The following IQGAP2 variants were observed in gnomAD, a reference collection of about 807,000 sequenced individuals.
IQGAP2 encodes IQ motif containing GTPase activating protein 2.
Under a neutral mutation model 201.3 loss-of-function variants are expected in IQGAP2, and 173 were observed. The observed-to-expected ratio is 0.86, with a 90% confidence interval of 0.76 to 0.98. IQGAP2 has a LOEUF of 0.98. Among genes scored for constraint, IQGAP2 ranks in the 50% least tolerant of loss-of-function variants. IQGAP2 has a pLI of 0.00. For synonymous variants in IQGAP2, 675 were observed against 673.9 expected (o/e 1.00, Z -0.03); for missense variants, 1,687 against 1,864.8 (o/e 0.90, Z 1.76).
At chr5:76,498,148 A>G (rs1426295489) in intron 2 of IQGAP2, among the ~76,000 whole-genome samples, 1 of 152,208 alleles carries the variant, frequency 6.6e-6, no homozygotes, top group Non-Finnish European at 1.5e-5. Flanking sequence ...GGACATTGTG[A>G]TTGTGCATGA....
At chr5:76,491,530 T>C (rs182452368) in intron 2 of IQGAP2, among the ~76,000 whole-genome samples, 2 of 152,208 alleles carry the variant, frequency 1.3e-5, no homozygotes, top group East Asian at 3.9e-4. Flanking sequence ...TCTCAAACTC[T>C]TGGGCTCAAG....
chr5:76,560,608 A>G (rs1169092509), intron 2 of IQGAP2, among the ~76,000 whole-genome samples: 1 of 152,148 alleles, frequency 6.6e-6, no homozygotes, highest in Admixed American at 6.5e-5. Context: ...GTTTTCCTTG[A>G]TTGCTGCAGT....
At chr5:76,451,199 C>T (rs1753720589) in intron 1 of IQGAP2, among the ~76,000 whole-genome samples, 1 of 152,284 alleles carries the variant, frequency 6.6e-6, no homozygotes, top group East Asian at 1.9e-4. Context: ...TTTCCACCTC[C>T]ACCATCTGAA....
intron 2 of IQGAP2, among the ~76,000 whole-genome samples, chr5:76,553,670 T>G (rs572482036): frequency 1.5e-4 from 23 of 152,294 alleles, no homozygotes; most frequent in Non-Finnish European, 3.4e-4. Context: ...ATTTGAAAGA[T>G]TTCTCCTTTC....
intron 2 of IQGAP2, among the ~76,000 whole-genome samples, chr5:76,537,060 C>G (rs1759668816): frequency 6.6e-6 from 1 of 152,178 alleles, no homozygotes; most frequent in Non-Finnish European, 1.5e-5. Flanking sequence ...CCAAAGCTAT[C>G]TTGAGGGCAA....
chr5:76,432,831 C>A (rs1223077568), intron 1 of IQGAP2, among the ~76,000 whole-genome samples: 1 of 152,162 alleles, frequency 6.6e-6, no homozygotes, highest in Admixed American at 6.5e-5. Context: ...TCTGTTTGCC[C>A]TTTCTGATCC....
chr5:76,512,186 A>T (rs1758010523), intron 2 of IQGAP2, among the ~76,000 whole-genome samples: 1 of 152,164 alleles, frequency 6.6e-6, no homozygotes, highest in Non-Finnish European at 1.5e-5. Context: ...ACTCTAGTGG[A>T]GCTTGATTAT....
chr5:76,699,663 C>G (rs1394629285), intron 33 of IQGAP2, among the ~76,000 whole-genome samples: 1 of 48,884 alleles, frequency 2.0e-5, no homozygotes, highest in South Asian at 5.4e-4. Context: ...CTCTCTCTCA[C>G]TCTCGTGCTC....
At chr5:76,660,898 A>G (rs1010563398) in intron 21 of IQGAP2, among the ~76,000 whole-genome samples, 1 of 152,208 alleles carries the variant, frequency 6.6e-6, no homozygotes, top group Non-Finnish European at 1.5e-5. Flanking sequence ...AATTAGTTTA[A>G]TATGGATGTT....
chr5:76,652,804 T>C lies in IQGAP2; in HGVS notation c.2149T>C (p.Phe717Leu). ...GGAGTATATGCACAGGCGGCAAACG[T>C]TCATTGATAATACTGATTCTATTGT... ...RKEYMHRRQTFIDNTDSIVKI... is the reference protein window; with the variant it reads ...RKEYMHRRQTLIDNTDSIVKI... The change falls in exon 18 of 36, where the codon TTC (phenylalanine) becomes CTC (leucine). Residue 717 changes from phenylalanine (F) to leucine (L), a missense_variant. Phe to Leu is a conservative substitution (Grantham distance 22). Coordinates refer to ENST00000274364, the MANE Select transcript of IQGAP2 (RefSeq NM_006633.5). 1 of 1,609,736 alleles carries C rather than the reference T, an allele frequency of 6.2e-7. No homozygotes were observed. Among genetic ancestry groups the C allele is most frequent in the African/African-American group, 1.3e-5 (1 of 74,956 alleles).
intron 5 of IQGAP2, among the ~76,000 whole-genome samples, chr5:76,577,632 T>A (rs930786676): frequency 3.3e-5 from 5 of 152,256 alleles, no homozygotes; most frequent in African/African-American, 7.2e-5. Context: ...TTGCAGCTTT[T>A]TCCACCAAAA....
chr5:76,554,257 A>C (rs1418361296), intron 2 of IQGAP2, among the ~76,000 whole-genome samples: 1 of 152,220 alleles, frequency 6.6e-6, no homozygotes, highest in Admixed American at 6.5e-5. Flanking sequence ...AAACATAGGT[A>C]TAAATATATA....
chr5:76,521,237 G>A (rs1443037581), intron 2 of IQGAP2, among the ~76,000 whole-genome samples: 1 of 152,058 alleles, frequency 6.6e-6, no homozygotes, highest in Non-Finnish European at 1.5e-5. Flanking sequence ...ATCTTATTTA[G>A]TGTTGGACCC....
At chr5:76,472,383 G>C (rs962242854) in intron 2 of IQGAP2, among the ~76,000 whole-genome samples, 1 of 152,206 alleles carries the variant, frequency 6.6e-6, no homozygotes, top group Non-Finnish European at 1.5e-5. Context: ...GAGAGGTGTT[G>C]GTGCTGAGGG....
At chr5:76,649,234 G>A (rs375378272) in intron 17 of IQGAP2, among the ~76,000 whole-genome samples, 4 of 152,116 alleles carry the variant, frequency 2.6e-5, no homozygotes, top group East Asian at 1.9e-4. Flanking sequence ...AACATTTTTC[G>A]GGGGAATCAA....
intron 2 of IQGAP2, among the ~76,000 whole-genome samples, chr5:76,507,787 G>A (rs545706581): frequency 4.6e-5 from 7 of 152,250 alleles, no homozygotes; most frequent in Non-Finnish European, 7.4e-5. Flanking sequence ...TGAGGCAGGC[G>A]GATCATAAGG....
chr5:76,704,320 T>A (rs1166087122), intron 35 of IQGAP2, among the ~76,000 whole-genome samples: 1 of 152,226 alleles, frequency 6.6e-6, no homozygotes, highest in Non-Finnish European at 1.5e-5. Flanking sequence ...CCAGTCAATA[T>A]CAACTGGACC....
intron 1 of IQGAP2, among the ~76,000 whole-genome samples, chr5:76,455,897 C>T (rs144285139): frequency 5.7e-4 from 87 of 152,274 alleles, no homozygotes; most frequent in African/African-American, 1.9e-3. Context: ...TTGTCTAACC[C>T]GAATATCCTC....
intron 29 of IQGAP2, 143 bp downstream of exon 29, chr5:76,683,360 A>G (rs1745471950): frequency 5.2e-6 from 3 of 573,118 alleles, no homozygotes; most frequent in Non-Finnish European, 9.4e-6. Flanking sequence ...TAACAACTAC[A>G]CTTGCCCCTT....
Sources: allele counts gnomAD v4.1 joint callset (sites outside exome capture counted in the v4.1 genomes callset), GRCh38; gene constraint gnomAD v4.1.1; transcripts MANE v1.5; gene names NCBI Gene and HGNC (gene_info 2026-07-23, HGNC 2026-07-21).